DENND1B: variants seen among roughly 807,000 people sequenced by gnomAD.
DENND1B encodes the protein DENN domain containing 1B.
Under a neutral mutation model 90.1 loss-of-function variants are expected in DENND1B, and 59 were observed. That is an observed-to-expected ratio of 0.65 (90% CI 0.53 to 0.81). The LOEUF (loss-of-function observed/expected upper bound fraction) is 0.81, where lower values mean the gene tolerates loss of function less well. Among genes scored for constraint, DENND1B ranks in the 40% least tolerant of loss-of-function variants. The pLI is 0.00. For synonymous variants in DENND1B, 337 were observed against 324.6 expected (o/e 1.04, Z -0.41); for missense variants, 862 against 912.6 (o/e 0.94, Z 0.71).
intron 14 of DENND1B, among the ~76,000 whole-genome samples, chr1:197,586,026 G>A (rs1674663438): frequency 6.6e-6 from 1 of 152,124 alleles, no homozygotes; most frequent in African/African-American, 2.4e-5. Flanking sequence ...TTTGTCAACT[G>A]ATATGCAGTG....
intron 15 of DENND1B, among the ~76,000 whole-genome samples, chr1:197,558,902 T>A (rs184023973): frequency 9.9e-5 from 15 of 152,050 alleles, no homozygotes; most frequent in African/African-American, 3.1e-4. Context: ...ATTCATTTTT[T>A]AAATACAATT....
chr1:197,541,840 GAA>G (rs1670357905), intron 18 of DENND1B, among the ~76,000 whole-genome samples: 1 of 152,134 alleles, frequency 6.6e-6, no homozygotes, highest in East Asian at 1.9e-4. Flanking sequence ...TTAAAATAAG[GAA>G]AGTGACTCAG....
intron 2 of DENND1B, among the ~76,000 whole-genome samples, chr1:197,729,956 G>A (rs990969705): frequency 6.6e-6 from 1 of 152,020 alleles, no homozygotes; most frequent in Non-Finnish European, 1.5e-5. Context: ...AAATGGGAAC[G>A]AAAAAGGCTA....
Position 197,665,030 on chromosome 1 carries a change from G to A in DENND1B, c.297-6661C>T, listed in dbSNP as rs990298751. ...GAAACAATTCTAAATACAAACAATTGCCAGATTTAAATTAGTAATATCTCA... is the reference window on the plus strand; with the variant it reads ...GAAACAATTCTAAATACAAACAATTACCAGATTTAAATTAGTAATATCTCA... On this transcript the variant is annotated intron_variant, in intron 5 of 22. Transcript: ENST00000620048. Among the ~76,000 whole-genome samples the A allele has an allele frequency of 3.0e-4, 46 of 152,174 alleles. 1 individual carries two copies. Among genetic ancestry groups the A allele is most frequent in the South Asian group, 4.1e-4 (2 of 4,824 alleles).
chr1:197,612,440 C>T (rs1677268020), intron 11 of DENND1B, among the ~76,000 whole-genome samples: 1 of 150,282 alleles, frequency 6.7e-6, no homozygotes, highest in South Asian at 2.1e-4. Flanking sequence ...TGATACATAC[C>T]TCCTATGTCA....
chr1:197,548,088 C>A (rs749027458), intron 16 of DENND1B, among the ~76,000 whole-genome samples: 44 of 152,182 alleles, frequency 2.9e-4, no homozygotes, highest in Non-Finnish European at 5.4e-4. Flanking sequence ...GAAAACAATT[C>A]TTTTAAACCT....
upstream of DENND1B, among the ~76,000 whole-genome samples, chr1:197,777,924 C>G (rs1032147749): frequency 6.6e-6 from 1 of 152,092 alleles, no homozygotes; most frequent in Non-Finnish European, 1.5e-5. Flanking sequence ...TGATCAAATA[C>G]GATGATTGTG....
intron 3 of DENND1B, among the ~76,000 whole-genome samples, chr1:197,687,248 C>T (rs947454731): frequency 6.6e-6 from 1 of 152,130 alleles, no homozygotes; most frequent in Non-Finnish European, 1.5e-5. Flanking sequence ...AATAAGATAA[C>T]AACTAATAGC....
chr1:197,572,628 C>T (rs1482190257), intron 15 of DENND1B, among the ~76,000 whole-genome samples: 2 of 152,166 alleles, frequency 1.3e-5, no homozygotes, highest in Non-Finnish European at 2.9e-5. Flanking sequence ...TGCCTGACTC[C>T]CTGTAGCCTA....
chr1:197,733,903 A>C (rs935840315), intron 2 of DENND1B: 17 of 211,490 alleles, frequency 8.0e-5, no homozygotes, highest in Non-Finnish European at 1.2e-4. Context: ...ACCAACATAC[A>C]ACCCCTTCCT....
intron 13 of DENND1B, among the ~76,000 whole-genome samples, chr1:197,598,284 GA>G (rs1317721712): frequency 6.6e-6 from 1 of 151,776 alleles, no homozygotes; most frequent in Non-Finnish European, 1.5e-5. Flanking sequence ...TCAGAGACCA[GA>G]AGGGCAGCTA....
intron 2 of DENND1B, among the ~76,000 whole-genome samples, chr1:197,722,683 C>T (rs1172855710): frequency 6.6e-6 from 1 of 152,108 alleles, no homozygotes; most frequent in Non-Finnish European, 1.5e-5. Flanking sequence ...AATAATTCTT[C>T]ATTTAATCAT....
At chr1:197,588,998 A>C (rs1268769066) in intron 14 of DENND1B, among the ~76,000 whole-genome samples, 1 of 152,140 alleles carries the variant, frequency 6.6e-6, no homozygotes, top group Non-Finnish European at 1.5e-5. Context: ...CTAATGTTCT[A>C]TTTACCTATG....
At chr1:197,756,109 A>G (rs759712681) in intron 2 of DENND1B, among the ~76,000 whole-genome samples, 85 of 152,360 alleles carry the variant, frequency 5.6e-4, no homozygotes, top group Middle Eastern at 6.8e-3. Context: ...GTTCTTCATT[A>G]AGAATGCCAA....
intron 3 of DENND1B, among the ~76,000 whole-genome samples, chr1:197,677,715 C>A (rs1656240399): frequency 1.3e-5 from 2 of 152,084 alleles, no homozygotes; most frequent in Non-Finnish European, 1.5e-5. Context: ...TGAATACCAC[C>A]AATAATTAAG....
chr1:197,664,028 CAGAG>C (rs903901953), intron 5 of DENND1B, among the ~76,000 whole-genome samples: 3 of 151,190 alleles, frequency 2.0e-5, no homozygotes, highest in East Asian at 1.9e-4. Context: ...CACACACACA[CAGAG>C]AGAGAGATAA....
chr1:197,570,504 A>T (rs969751837), intron 15 of DENND1B, among the ~76,000 whole-genome samples: 7 of 152,190 alleles, frequency 4.6e-5, no homozygotes, highest in Non-Finnish European at 8.8e-5. Flanking sequence ...AAGATTTTTC[A>T]ATTTATGTCA....
Position 197,715,078 on chromosome 1 carries a change from T to C in DENND1B, c.83-4A>G. 6 of 1,610,046 alleles carry C rather than the reference T, an allele frequency of 3.7e-6. No individual in the cohort carries two copies. The highest frequency in any genetic ancestry group is 5.1e-6 in the Non-Finnish European group (6 of 1,177,382). ...AATTTCCACAATACCACAGGATCTG[T>C]AAATAATTGACATGTATAATTAAAC... On this transcript the variant is annotated splice_polypyrimidine_tract_variant and splice_region_variant and intron_variant, in intron 2 of 22. Coordinates refer to ENST00000620048, the MANE Select transcript of DENND1B (RefSeq NM_001195215.2).
chr1:197,536,032 G>A (rs1669851962), intron 20 of DENND1B, among the ~76,000 whole-genome samples: 1 of 151,632 alleles, frequency 6.6e-6, no homozygotes, highest in African/African-American at 2.4e-5. Flanking sequence ...CAGGGGATGG[G>A]AGAGGGAGGA....
Sources: gnomAD v4.1 joint callset for allele counts (sites outside exome capture counted in the v4.1 genomes callset) on GRCh38, gnomAD v4.1.1 for gene constraint, MANE v1.5 for transcripts, NCBI Gene and HGNC (gene_info 2026-07-23, HGNC 2026-07-21) for gene names.